The following DLC1 variants were observed in gnomAD, a reference collection of about 807,000 sequenced individuals.
DLC1 encodes rho GTPase-activating protein 7.
A neutral mutation model predicts 140.3 loss-of-function variants in DLC1; 54 were observed. That is an observed-to-expected ratio of 0.38 (90% confidence interval 0.31 to 0.48). DLC1 has a LOEUF of 0.48. DLC1 is among the 20% of genes least tolerant of loss of function. The pLI is 0.96. For synonymous variants in DLC1, 986 were observed against 728.1 expected (o/e 1.35, Z -5.70); for missense variants, 2,536 against 1,907.0 (o/e 1.33, Z -6.14).
intron 1 of DLC1, chr8:13,566,941 C>T: frequency 1.4e-6 from 2 of 1,476,802 alleles, no homozygotes; most frequent in Non-Finnish European, 1.8e-6. Flanking sequence ...GGTTCCTGAG[C>T]CAGTCTTAAC....
In DLC1 at chr8:13,115,568, GTGGCA is replaced by G. The variant is rs750871061; in HGVS notation, c.1420+13_1420+17del. 1 of 1,608,692 alleles carries G rather than the reference GTGGCA, an allele frequency of 6.2e-7. No homozygotes were observed. Among genetic ancestry groups the G allele is most frequent in the East Asian group, 2.2e-5 (1 of 44,776 alleles). On this transcript the variant is annotated intron_variant, in intron 6 of 17. Coordinates refer to ENST00000276297, the MANE Select transcript of DLC1 (RefSeq NM_182643.3). ...TTATGATTATGCCAACTTTTAAAAAGTGGCATTCCCAGCTTACCTTCATAAAGCTG... is the reference window on the plus strand; with the variant it reads ...TTATGATTATGCCAACTTTTAAAAAGTTCCCAGCTTACCTTCATAAAGCTG...
chr8:13,397,335 A>C (rs367773804), intron 3 of DLC1, among the ~76,000 whole-genome samples: 2 of 152,148 alleles, frequency 1.3e-5, no homozygotes, highest in Non-Finnish European at 2.9e-5. Context: ...AAGAGGAGCC[A>C]CTGAAGGGTC....
intron 2 of DLC1, among the ~76,000 whole-genome samples, chr8:13,416,151 T>C (rs1450455547): frequency 6.6e-6 from 1 of 152,212 alleles, no homozygotes; most frequent in Non-Finnish European, 1.5e-5. Flanking sequence ...TCCCATGTTA[T>C]TCTTCTCTGG....
chr8:13,481,639 T>C (rs1429400911), intron 2 of DLC1, among the ~76,000 whole-genome samples: 1 of 152,214 alleles, frequency 6.6e-6, no homozygotes, highest in African/African-American at 2.4e-5. Flanking sequence ...AGCCCCGTTG[T>C]ACTGTTATAT....
At chr8:13,552,632 C>G (rs1803906101) in intron 1 of DLC1, among the ~76,000 whole-genome samples, 1 of 151,306 alleles carries the variant, frequency 6.6e-6, no homozygotes, top group Non-Finnish European at 1.5e-5. Flanking sequence ...GAAATGTGTT[C>G]ATAGAGTATT....
chr8:13,124,180 G>A lies in DLC1; in HGVS notation c.1349-8523C>T, dbSNP rs74987832. Among the ~76,000 whole-genome samples the A allele has an allele frequency of 1.8e-4, 28 of 152,308 alleles. 1 individual carries two copies. In the East Asian group the frequency reaches 5.4e-3, roughly 29 times the overall value. On this transcript the variant is annotated intron_variant, in intron 5 of 17. Transcript: ENST00000276297. ...GAAGAACTTGTGTACAGTAGGAAGA[G>A]GAATGTGATATGACATAGGAAAGAC...
chr8:13,131,208 C>T (rs1183791057), intron 5 of DLC1, among the ~76,000 whole-genome samples: 1 of 152,122 alleles, frequency 6.6e-6, no homozygotes, highest in Non-Finnish European at 1.5e-5. Flanking sequence ...AAATTATTTC[C>T]ACCGAGGACC....
intron 5 of DLC1, among the ~76,000 whole-genome samples, chr8:13,142,181 C>A (rs752184891): frequency 6.6e-6 from 1 of 152,196 alleles, no homozygotes; most frequent in East Asian, 1.9e-4. Flanking sequence ...CCTTCCCCAG[C>A]GGTGGCGAAC....
chr8:13,177,751 G>A (rs1405904939), intron 5 of DLC1, among the ~76,000 whole-genome samples: 22 of 140,944 alleles, frequency 1.6e-4, no homozygotes, highest in Admixed American at 1.4e-3. Flanking sequence ...AAAAATTTTG[G>A]TTCTTGGACA....
At chr8:13,453,633 G>A (rs1469109390) in intron 2 of DLC1, among the ~76,000 whole-genome samples, 4 of 142,012 alleles carry the variant, frequency 2.8e-5, no homozygotes, top group Admixed American at 7.3e-5. Flanking sequence ...CTGGCTTAAG[G>A]AAGCAATCTC....
intron 2 of DLC1, among the ~76,000 whole-genome samples, chr8:13,426,599 G>C (rs1771544572): frequency 6.6e-6 from 1 of 152,152 alleles, no homozygotes; most frequent in African/African-American, 2.4e-5. Context: ...GCTCAAGTGA[G>C]AATTGACACC....
At chr8:13,369,401 G>A (rs1211798192) in intron 4 of DLC1, among the ~76,000 whole-genome samples, 1 of 147,196 alleles carries the variant, frequency 6.8e-6, no homozygotes, top group Non-Finnish European at 1.5e-5. Context: ...CCAAAGTCAT[G>A]AGAGGCTGCT....
intron 4 of DLC1, among the ~76,000 whole-genome samples, chr8:13,309,440 A>G (rs527262425): frequency 1.3e-5 from 2 of 152,302 alleles, no homozygotes; most frequent in South Asian, 4.2e-4. Context: ...AAAGATTTTC[A>G]TTGAAGTTGG....
intron 2 of DLC1, among the ~76,000 whole-genome samples, chr8:13,436,723 A>G (rs1839137075): frequency 6.6e-6 from 1 of 152,246 alleles, no homozygotes. Context: ...CTGGTGCCAT[A>G]TAAAAGATAC....
intron 2 of DLC1, among the ~76,000 whole-genome samples, chr8:13,402,646 A>T (rs1286902153): frequency 6.6e-6 from 1 of 152,236 alleles, no homozygotes. Flanking sequence ...GGCTGATGTC[A>T]GTGGAAAAAT....
At chr8:13,123,302 T>C (rs1821261427) in intron 5 of DLC1, among the ~76,000 whole-genome samples, 1 of 151,862 alleles carries the variant, frequency 6.6e-6, no homozygotes, top group Non-Finnish European at 1.5e-5. Context: ...CGGCCTCCTC[T>C]CATGCCCTGT....
intron 4 of DLC1, among the ~76,000 whole-genome samples, chr8:13,352,304 C>T (rs1834712771): frequency 6.6e-6 from 1 of 152,168 alleles, no homozygotes; most frequent in Non-Finnish European, 1.5e-5. Flanking sequence ...AGCCTTTGAT[C>T]CATTCAGCTT....
intron 10 of DLC1, among the ~76,000 whole-genome samples, chr8:13,097,103 T>C (rs1482743625): frequency 1.3e-5 from 2 of 152,296 alleles, no homozygotes; most frequent in East Asian, 3.9e-4. Flanking sequence ...ATTTGTACAA[T>C]GCATTTCATC....
intron 1 of DLC1, among the ~76,000 whole-genome samples, chr8:13,506,159 G>T (rs1206667047): frequency 1.3e-5 from 2 of 151,644 alleles, no homozygotes; most frequent in African/African-American, 4.9e-5. Context: ...ATATATATGT[G>T]TGTATACACA....
Sources: gnomAD v4.1 joint callset for allele counts (sites outside exome capture counted in the v4.1 genomes callset) on GRCh38, gnomAD v4.1.1 for gene constraint, MANE v1.5 for transcripts, NCBI Gene and HGNC (gene_info 2026-07-23, HGNC 2026-07-21) for gene names.